Variants in DNAJC11 observed in about 807,000 individuals in gnomAD.
The protein encoded by DNAJC11 is dnaJ homolog subfamily C member 11.
Under a neutral mutation model 78.6 loss-of-function variants are expected in DNAJC11, and 15 were observed. That is an observed-to-expected ratio of 0.19 (90% confidence interval 0.13 to 0.29). The LOEUF is 0.29. Ranked by LOEUF, DNAJC11 falls within the 10% of genes least tolerant of loss-of-function variation. DNAJC11 has a pLI of 1.00. For missense variants in DNAJC11, 547 were observed against 709.6 expected (o/e 0.77, Z 2.60); for synonymous variants, 292 against 272.1 (o/e 1.07, Z -0.72).
At chr1:6,658,233 G>T (rs1041962758) in intron 4 of DNAJC11, among the ~76,000 whole-genome samples, 1 of 152,188 alleles carries the variant, frequency 6.6e-6, no homozygotes, top group South Asian at 2.1e-4. Context: ...ATGAAACTGG[G>T]AGGAACGTTT....
At chr1:6,662,984 G>C (rs1557477167) in intron 4 of DNAJC11, among the ~76,000 whole-genome samples, 2 of 152,158 alleles carry the variant, frequency 1.3e-5, no homozygotes. Context: ...TGAAGTCAGT[G>C]AGACCATGAA....
intron 10 of DNAJC11, among the ~76,000 whole-genome samples, chr1:6,641,692 T>A (rs1641880910): frequency 6.6e-6 from 1 of 152,070 alleles, no homozygotes; most frequent in Non-Finnish European, 1.5e-5. Context: ...CCTTCAAATA[T>A]TATCTGAGGA....
chr1:6,655,095 C>G (rs1642107923), intron 4 of DNAJC11, among the ~76,000 whole-genome samples: 1 of 152,208 alleles, frequency 6.6e-6, no homozygotes. Context: ...CCGCGCCCAG[C>G]TGGTGCTAGC....
chr1:6,634,760 C>CA lies in DNAJC11; in HGVS notation c.*914dup. 9 of 1,337,220 alleles carry CA rather than the reference C, an allele frequency of 6.7e-6. No homozygotes were observed. Among genetic ancestry groups the CA allele is most frequent in the Non-Finnish European group, 8.9e-6 (9 of 1,006,478 alleles). The allele number at this position is 1,337,220 out of a possible 1,614,324, so 82.8% of individuals were successfully genotyped here. On this transcript the variant is annotated 3_prime_UTR_variant, in exon 16 of 16. Coordinates refer to ENST00000377577, the MANE Select transcript of DNAJC11 (RefSeq NM_018198.4). ...TGTTCCTGTGAGGACGCTGGACCTG[C>CA]AGGAGCGGGGAGCTGCAGTGCCACC...
Position 6,639,999 on chromosome 1 carries a change from G to A in DNAJC11, c.1156C>T (p.Pro386Ser). 6.2e-7 allele frequency: 1 copy of A among 1,611,768 alleles called. No individual in the cohort carries two copies. Among genetic ancestry groups the A allele is most frequent in the Non-Finnish European group, 8.5e-7 (1 of 1,179,666 alleles). Residue 386 changes from proline to serine, a missense_variant, in exon 11 of 16, where the codon CCC becomes TCC. Transcript: ENST00000377577. ...ACGGTGGCATAGAACATGGCGCTGG[G>A]CAGAAGCTGGTCCGTCAAGTGAATA... ...FPIHLTDQLL[P>S]SAMFYATVGP... is the part of the protein sequence containing the mutation.
rs961573075 is a variant in DNAJC11 at position 6,653,542 on chromosome 1, C to T, written c.507+369G>A. On this transcript the variant is annotated intron_variant, in intron 5 of 15. Transcript: ENST00000377577. This position sits in a 1 kb window ranked among gnomAD's most constrained non-coding sequence, Gnocchi z 4.5. ...CAGGATGAGAGCTGCTATAGCCTTG[C>T]GGCACCTAGCAGAATTTGCCTTAAA... Among the ~76,000 whole-genome samples the T allele has an allele frequency of 2.0e-5, 3 of 152,164 alleles. No homozygotes were observed. The highest frequency in any genetic ancestry group is 4.4e-5 in the Non-Finnish European group (3 of 68,034).
chr1:6,641,764 T>A (rs1207164993), intron 10 of DNAJC11, among the ~76,000 whole-genome samples: 1 of 152,182 alleles, frequency 6.6e-6, no homozygotes, highest in Non-Finnish European at 1.5e-5. Context: ...AAAACTGAGC[T>A]GTGATCCACT....
chr1:6,655,925 A>AACC (rs1209315894), intron 4 of DNAJC11, among the ~76,000 whole-genome samples: 3 of 151,980 alleles, frequency 2.0e-5, no homozygotes, highest in Admixed American at 1.3e-4. Context: ...AACATGGTGA[A>AACC]ACCCCATCTC....
rs531216056 is a variant in DNAJC11, at chr1:6,634,798, C to A, written c.*877G>T. On this transcript the variant is annotated 3_prime_UTR_variant, in exon 16 of 16. Coordinates refer to ENST00000377577, the MANE Select transcript of DNAJC11 (RefSeq NM_018198.4). Reference sequence around the variant, plus strand: ...CTGCAGTGCCACCTGCTGGGTACCACGGGCCGGGCCTGGGGTCCACGCCTT... The same window carrying A: ...CTGCAGTGCCACCTGCTGGGTACCAAGGGCCGGGCCTGGGGTCCACGCCTT... The A allele has an allele frequency of 1.2e-5, 16 of 1,294,486 alleles. No individual in the cohort carries two copies. Among genetic ancestry groups the A allele is most frequent in the African/African-American group, 9.1e-5 (6 of 66,138 alleles). The allele number at this position is 1,294,486 out of a possible 1,614,324, so 80.2% of individuals were successfully genotyped here. A position where few individuals can be genotyped will look rare whatever the true frequency, so the allele number is the denominator to read the frequency against.
chr1:6,647,585 C>T (rs928071793), intron 7 of DNAJC11, among the ~76,000 whole-genome samples: 35 of 151,982 alleles, frequency 2.3e-4, no homozygotes, highest in Middle Eastern at 3.4e-3. Flanking sequence ...TTTGGGAAGC[C>T]GAGGTGGGTG....
intron 4 of DNAJC11, among the ~76,000 whole-genome samples, chr1:6,657,827 A>G (rs1642153221): frequency 6.6e-6 from 1 of 152,098 alleles, no homozygotes; most frequent in Non-Finnish European, 1.5e-5. Flanking sequence ...TTGTATTTTT[A>G]GTAGAGACGG....
intron 12 of DNAJC11, chr1:6,637,899 T>C (rs374773729): frequency 7.4e-6 from 3 of 404,520 alleles, no homozygotes; most frequent in East Asian, 1.0e-4. Flanking sequence ...ACCTGTGTTC[T>C]CCTGTGGTGC....
intron 2 of DNAJC11, among the ~76,000 whole-genome samples, chr1:6,679,966 C>G (rs1642528580): frequency 6.6e-6 from 1 of 152,214 alleles, no homozygotes; most frequent in South Asian, 2.1e-4. Context: ...ACACATTTAT[C>G]ACACACTGCA....
intron 1 of DNAJC11, among the ~76,000 whole-genome samples, chr1:6,688,119 A>G (rs1324962814): frequency 1.3e-5 from 2 of 152,262 alleles, no homozygotes; most frequent in Non-Finnish European, 2.9e-5. Flanking sequence ...GAGGAAGATA[A>G]TCAATATCTG....
Position 6,680,799 on chromosome 1 carries a change from T to C in DNAJC11, c.202+109A>G, listed in dbSNP as rs1364323283. On this transcript the variant is annotated intron_variant, in intron 2 of 15. Transcript: ENST00000377577. This position sits in a 1 kb window ranked among gnomAD's most constrained non-coding sequence, Gnocchi z 4.0. The stretch of plus-strand genomic sequence containing the variant: ...TGAAAAGTACTAAACTAACCACCTG[T>C]TTTATATACCTCTAAGGACTCTCTT... The C allele has an allele frequency of 2.2e-6, 3 of 1,384,830 alleles. No individual in the cohort carries two copies. In the African/African-American group the frequency reaches 4.3e-5, roughly 20 times the overall value. The allele number at this position is 1,384,830 out of a possible 1,614,324, so 85.8% of individuals were successfully genotyped here.
intron 3 of DNAJC11, 99 bp from the exon 4 acceptor site, chr1:6,667,909 G>T (rs944528861): frequency 5.4e-6 from 6 of 1,120,204 alleles, no homozygotes; most frequent in Admixed American, 1.8e-5. Flanking sequence ...TGTGCATGCT[G>T]CCTGGGGTCC....
intron 4 of DNAJC11, among the ~76,000 whole-genome samples, chr1:6,662,570 G>A (rs952484664): frequency 3.9e-5 from 6 of 152,128 alleles, no homozygotes; most frequent in South Asian, 2.1e-4. Flanking sequence ...ACCAATCAGC[G>A]CTCTGTCGCT....
At chr1:6,690,779 C>A (rs376072204) in intron 1 of DNAJC11, among the ~76,000 whole-genome samples, 1 of 152,166 alleles carries the variant, frequency 6.6e-6, no homozygotes, top group Non-Finnish European at 1.5e-5. Flanking sequence ...AAAAAATTAG[C>A]TGGGCGTGGT....
intron 3 of DNAJC11, among the ~76,000 whole-genome samples, chr1:6,677,198 G>C (rs1442741098): frequency 6.7e-6 from 1 of 150,326 alleles, no homozygotes; most frequent in East Asian, 1.9e-4. Context: ...GGAACTTCAA[G>C]GGTAATCTTA....
Sources: gnomAD v4.1 joint callset for allele counts (sites outside exome capture counted in the v4.1 genomes callset) on GRCh38, gnomAD v4.1.1 for gene constraint, Gnocchi (gnomAD v3.1) non-coding constraint, MANE v1.5 for transcripts, NCBI Gene and HGNC (gene_info 2026-07-23, HGNC 2026-07-21) for gene names.